The following PTPRM variants were observed in gnomAD, a reference collection of about 807,000 sequenced individuals.
PTPRM encodes the protein receptor-type tyrosine-protein phosphatase mu.
In PTPRM, 47 loss-of-function variants were observed where a neutral mutation model predicts 186.7. That is an observed-to-expected ratio of 0.25 (90% CI 0.20 to 0.32). The LOEUF is 0.32. Ranked by LOEUF, PTPRM falls within the 10% of genes least tolerant of loss-of-function variation. The pLI, the probability that PTPRM is intolerant of heterozygous loss-of-function variation, is 1.00. For synonymous variants in PTPRM, 668 were observed against 674.9 expected (o/e 0.99, Z 0.16); for missense variants, 1,494 against 1,865.0 (o/e 0.80, Z 3.66).
chr18:8,150,264 G>A (rs556544807), intron 14 of PTPRM, among the ~76,000 whole-genome samples: 2 of 152,046 alleles, frequency 1.3e-5, no homozygotes, highest in Admixed American at 1.3e-4. Flanking sequence ...CATTCTCCTC[G>A]TCACTTTCAG....
chr18:8,248,110 T>C (rs2094494784), intron 16 of PTPRM, 40 bp from the exon 17 acceptor site: 1 of 1,519,332 alleles, frequency 6.6e-7, no homozygotes, highest in Admixed American at 1.7e-5. Context: ...TCTTTCTCTT[T>C]TTACTTTCTC....
chr18:7,911,235 C>T (rs1054326181), intron 4 of PTPRM, among the ~76,000 whole-genome samples: 2 of 152,198 alleles, frequency 1.3e-5, no homozygotes, highest in Admixed American at 1.3e-4. Flanking sequence ...CTGCTGTGAA[C>T]ATTTGTTATC....
At chr18:7,694,407 G>A (rs894696149) in intron 1 of PTPRM, among the ~76,000 whole-genome samples, 4 of 149,996 alleles carry the variant, frequency 2.7e-5, no homozygotes, top group Non-Finnish European at 2.9e-5. Context: ...AGGAAACGTA[G>A]GAAACTCCCT....
At chr18:8,068,470 C>A (rs573160704) in intron 7 of PTPRM, among the ~76,000 whole-genome samples, 104 of 152,250 alleles carry the variant, frequency 6.8e-4, no homozygotes, top group African/African-American at 2.3e-3. Flanking sequence ...ATTTCATAAA[C>A]AAATTTAAGC....
intron 13 of PTPRM, among the ~76,000 whole-genome samples, chr18:8,132,083 G>A (rs1403537563): frequency 6.6e-6 from 1 of 152,156 alleles, no homozygotes; most frequent in Non-Finnish European, 1.5e-5. Context: ...GTTTATTCAA[G>A]TTGGAGCTCT....
intron 13 of PTPRM, among the ~76,000 whole-genome samples, chr18:8,139,240 G>A (rs1375209712): frequency 3.3e-5 from 5 of 152,122 alleles, no homozygotes; most frequent in Non-Finnish European, 1.5e-5. Context: ...TGTCTGTCCA[G>A]TGACTCCTGC....
At chr18:7,804,313 A>C (rs535177042) in intron 2 of PTPRM, among the ~76,000 whole-genome samples, 1 of 152,114 alleles carries the variant, frequency 6.6e-6, no homozygotes, top group Admixed American at 6.6e-5. Context: ...GACCACCTTG[A>C]GTTGTGTGTT....
chr18:7,776,822 A>G (rs2145010014), intron 2 of PTPRM, among the ~76,000 whole-genome samples: 1 of 152,362 alleles, frequency 6.6e-6, no homozygotes, highest in South Asian at 2.1e-4. Flanking sequence ...CAAAGTGAGG[A>G]GTTACATTCT....
chr18:8,033,025 A>G lies in PTPRM; in HGVS notation c.1133-36661A>G, dbSNP rs141488602. 9.5e-3 allele frequency among the ~76,000 whole-genome samples: 1,452 copies of G among 152,300 alleles called. 25 individuals carry two copies. Among genetic ancestry groups the G allele is most frequent in the African/African-American group, 0.032 (1,343 of 41,564 alleles). ...CAGTATGATCTCAAAATTCAAAACC[A>G]TTAAATAAAAGATTGATGAATTTGA... On this transcript the variant is annotated intron_variant, in intron 7 of 32. Coordinates refer to ENST00000580170, the MANE Select transcript of PTPRM (RefSeq NM_001105244.2).
chr18:7,871,756 G>A (rs139604649), intron 2 of PTPRM, among the ~76,000 whole-genome samples: 2 of 152,286 alleles, frequency 1.3e-5, no homozygotes, highest in African/African-American at 4.8e-5. Context: ...AATGTTGAAC[G>A]AGGGAGGTGT....
chr18:7,734,245 G>A (rs553783698), intron 1 of PTPRM, among the ~76,000 whole-genome samples: 27 of 152,274 alleles, frequency 1.8e-4, no homozygotes, highest in African/African-American at 6.3e-4. Flanking sequence ...ATGTGTCAGG[G>A]GCAGTGGAGT....
intron 7 of PTPRM, among the ~76,000 whole-genome samples, chr18:8,037,810 G>T (rs2086428235): frequency 6.6e-6 from 1 of 152,092 alleles, no homozygotes; most frequent in South Asian, 2.1e-4. Flanking sequence ...TGATGGACTA[G>T]TAAGAAATCC....
At chr18:8,390,935 AAAT>A (rs71356213) in intron 31 of PTPRM, among the ~76,000 whole-genome samples, 1,493 of 143,366 alleles carry the variant, frequency 0.01, 12 homozygotes, top group African/African-American at 0.026. Context: ...CTCAAAAAGA[AAAT>A]AATAATAATA....
chr18:7,739,641 C>A (rs949435973), intron 1 of PTPRM, among the ~76,000 whole-genome samples: 1 of 152,156 alleles, frequency 6.6e-6, no homozygotes, highest in Non-Finnish European at 1.5e-5. Flanking sequence ...ATTGGATTTT[C>A]CTAGTTTGTC....
chr18:8,198,942 A>G (rs939840216), intron 14 of PTPRM, among the ~76,000 whole-genome samples: 4 of 152,250 alleles, frequency 2.6e-5, no homozygotes, highest in Non-Finnish European at 5.9e-5. Flanking sequence ...TAATGATGGC[A>G]GCAAAAGCCC....
At chr18:8,160,455 G>A (rs2093208658) in intron 14 of PTPRM, among the ~76,000 whole-genome samples, 1 of 151,658 alleles carries the variant, frequency 6.6e-6, no homozygotes, top group Non-Finnish European at 1.5e-5. Context: ...AAAATTTTGG[G>A]GTTTTGTTGT....
At chr18:8,271,986 C>T (rs1198150146) in intron 19 of PTPRM, among the ~76,000 whole-genome samples, 8 of 152,042 alleles carry the variant, frequency 5.3e-5, no homozygotes, top group East Asian at 1.9e-4. Context: ...CCGAGGCAGG[C>T]GGATCACCTG....
intron 1 of PTPRM, 37 bp from the exon 2 acceptor site, chr18:7,774,112 T>A (rs1459836327): frequency 6.3e-7 from 1 of 1,580,448 alleles, no homozygotes; most frequent in East Asian, 2.2e-5. Flanking sequence ...GAGGTCTGGT[T>A]GGTATTTACA....
At chr18:8,208,885 G>A (rs1256991014) in intron 14 of PTPRM, among the ~76,000 whole-genome samples, 2 of 152,180 alleles carry the variant, frequency 1.3e-5, no homozygotes, top group Non-Finnish European at 2.9e-5. Flanking sequence ...AGAAATTCGA[G>A]GCAGAGGGAG....
Sources: gnomAD v4.1 joint callset for allele counts (sites outside exome capture counted in the v4.1 genomes callset) on GRCh38, gnomAD v4.1.1 for gene constraint, MANE v1.5 for transcripts, NCBI Gene and HGNC (gene_info 2026-07-23, HGNC 2026-07-21) for gene names.